Variants in CSNK1G1 observed in about 807,000 individuals in gnomAD.
The protein encoded by CSNK1G1 is casein kinase I isoform gamma-1.
A neutral mutation model predicts 59.6 loss-of-function variants in CSNK1G1; 22 were observed. The observed-to-expected ratio is 0.37, with a 90% CI of 0.26 to 0.53. CSNK1G1 has a LOEUF of 0.53. Ranked by LOEUF, CSNK1G1 falls within the 20% of genes least tolerant of loss-of-function variation. The pLI is 0.89. For synonymous variants in CSNK1G1, 179 were observed against 177.1 expected (o/e 1.01, Z -0.08); for missense variants, 384 against 519.5 (o/e 0.74, Z 2.54).
At chr15:64,259,837 T>A (rs186724535) in intron 2 of CSNK1G1, among the ~76,000 whole-genome samples, 21 of 152,294 alleles carry the variant, frequency 1.4e-4, no homozygotes, top group Admixed American at 9.2e-4. Context: ...CTTTAACTAT[T>A]TACAGGAAAC....
At chr15:64,263,822 CAAAAAAA>C (rs869123397) in intron 2 of CSNK1G1, among the ~76,000 whole-genome samples, 13 of 53,808 alleles carry the variant, frequency 2.4e-4, no homozygotes, top group Admixed American at 2.2e-3. Flanking sequence ...TTTTGTTTAC[CAAAAAAA>C]AAAAAAAAAA....
At chr15:64,266,325 C>T (rs941711851) in intron 2 of CSNK1G1, among the ~76,000 whole-genome samples, 1 of 152,114 alleles carries the variant, frequency 6.6e-6, no homozygotes, top group Middle Eastern at 3.2e-3. Flanking sequence ...ATCCACCCGC[C>T]TTGGCCTCCC....
Position 64,235,252 on chromosome 15 carries a change from C to T in CSNK1G1, c.292+16260G>A, listed in dbSNP as rs78411069. Among the ~76,000 whole-genome samples, 567 of 152,248 alleles carry T rather than the reference C, an allele frequency of 3.7e-3. 9 individuals are homozygous for T. In the East Asian group the frequency reaches 0.038, roughly 10 times the overall value. The stretch of plus-strand genomic sequence containing the variant: ...AGTAAATCTTCCTTTTGAGTTTAAG[C>T]TAATTTAAATAGATGCTGTTATTTG... On this transcript the variant is annotated intron_variant, in intron 4 of 11. Coordinates refer to ENST00000303052, the MANE Select transcript of CSNK1G1 (RefSeq NM_022048.5).
At chr15:64,338,725 A>AC (rs1368689616) in intron 1 of CSNK1G1, among the ~76,000 whole-genome samples, 1 of 144,992 alleles carries the variant, frequency 6.9e-6, no homozygotes, top group African/African-American at 2.5e-5. Context: ...AAAAAAAAAA[A>AC]AAACACTTCT....
chr15:64,292,895 T>G (rs1894820690), intron 2 of CSNK1G1, among the ~76,000 whole-genome samples: 1 of 152,098 alleles, frequency 6.6e-6, no homozygotes, highest in Non-Finnish European at 1.5e-5. Context: ...GCCACTGCAC[T>G]CCAGCCTGGT....
At position 64,178,544 on chromosome 15, in the gene CSNK1G1, C is replaced by T. The variant is rs567135449; in HGVS notation, c.1214+1804G>A. 6.7e-5 allele frequency among the ~76,000 whole-genome samples: 10 copies of T among 149,000 alleles called. No homozygotes were observed. In the East Asian group the frequency reaches 2.0e-3, roughly 29 times the overall value. ...GTCGCCAGGATGGAGTGCGGTGGCA[C>T]AATCTCGACTCACCACAACCCCTGC... On this transcript the variant is annotated intron_variant, in intron 11 of 11. Coordinates refer to ENST00000303052, the MANE Select transcript of CSNK1G1 (RefSeq NM_022048.5).
intron 1 of CSNK1G1, among the ~76,000 whole-genome samples, chr15:64,322,956 G>A (rs950256002): frequency 2.7e-5 from 4 of 147,602 alleles, no homozygotes; most frequent in East Asian, 3.9e-4. Flanking sequence ...TTTTTTCCTC[G>A]CTCTGTTGCC....
chr15:64,279,155 G>A (rs535967945), intron 2 of CSNK1G1, among the ~76,000 whole-genome samples: 22 of 152,232 alleles, frequency 1.4e-4, no homozygotes, highest in Non-Finnish European at 2.6e-4. Flanking sequence ...ATGCAGTAAA[G>A]CACACAAACG....
chr15:64,244,265 A>G (rs989026998), intron 4 of CSNK1G1, among the ~76,000 whole-genome samples: 5 of 151,964 alleles, frequency 3.3e-5, no homozygotes, highest in African/African-American at 1.2e-4. Context: ...AATTCCATTT[A>G]CAATAGCTAC....
chr15:64,311,847 T>C (rs563016714), intron 1 of CSNK1G1, among the ~76,000 whole-genome samples: 1 of 152,168 alleles, frequency 6.6e-6, no homozygotes, highest in South Asian at 2.1e-4. Context: ...ACCACTGCAC[T>C]CCAGCCTGGG....
chr15:64,231,675 G>A (rs962171275), intron 4 of CSNK1G1, among the ~76,000 whole-genome samples: 2 of 151,812 alleles, frequency 1.3e-5, no homozygotes, highest in Non-Finnish European at 2.9e-5. Context: ...AATCATAGTC[G>A]TTTTTTAAAG....
intron 1 of CSNK1G1, among the ~76,000 whole-genome samples, chr15:64,317,952 A>C (rs1002594076): frequency 3.3e-5 from 5 of 152,204 alleles, no homozygotes; most frequent in African/African-American, 1.2e-4. Context: ...CAAAGATGGA[A>C]AGGAAGCTAG....
rs187995134 is a variant in CSNK1G1 at position 64,180,146 on chromosome 15, T to C, written c.1214+202A>G. ...GTCTTTTTCATGTGAACTAGAAAAA[T>C]GTGACTGTCTTCCCCGAAATCACAG... On this transcript the variant is annotated intron_variant, in intron 11 of 11. Transcript: ENST00000303052. 3.5e-3 allele frequency: 1,923 copies of C among 553,274 alleles called. 10 individuals carry two copies. Among genetic ancestry groups the C allele is most frequent in the Admixed American group, 5.3e-3 (173 of 32,712 alleles). The allele number at this position is 553,274 out of a possible 1,614,324, so 34.3% of individuals were successfully genotyped here.
intron 5 of CSNK1G1, among the ~76,000 whole-genome samples, chr15:64,215,542 A>G (rs754059052): frequency 4.6e-5 from 7 of 152,178 alleles, no homozygotes; most frequent in Non-Finnish European, 7.4e-5. Context: ...AGAGAAAGAG[A>G]AGCTCAGATA....
chr15:64,286,584 C>G (rs1894436449), intron 2 of CSNK1G1, among the ~76,000 whole-genome samples: 1 of 151,956 alleles, frequency 6.6e-6, no homozygotes, highest in African/African-American at 2.4e-5. Flanking sequence ...TATGAATCCC[C>G]AAATAATGAT....
chr15:64,215,454 C>T (rs1033231818), intron 5 of CSNK1G1, among the ~76,000 whole-genome samples: 15 of 152,194 alleles, frequency 9.9e-5, no homozygotes, highest in Admixed American at 3.3e-4. Flanking sequence ...CCTCATGATC[C>T]GCCCACCTTG....
intron 11 of CSNK1G1, among the ~76,000 whole-genome samples, chr15:64,174,089 A>G (rs1335634149): frequency 6.6e-6 from 1 of 152,160 alleles, no homozygotes; most frequent in African/African-American, 2.4e-5. Context: ...TCTATTCTTA[A>G]TCTTTTTGGA....
chr15:64,341,778 AGTG>A (rs1235114400), intron 1 of CSNK1G1, among the ~76,000 whole-genome samples: 1 of 152,168 alleles, frequency 6.6e-6, no homozygotes, highest in Non-Finnish European at 1.5e-5. Flanking sequence ...GAGAGGGAAA[AGTG>A]GTATTACAGT....
chr15:64,331,327 A>T (rs927786635), intron 1 of CSNK1G1, among the ~76,000 whole-genome samples: 56 of 139,986 alleles, frequency 4.0e-4, no homozygotes, highest in African/African-American at 1.5e-3. Flanking sequence ...ACCAAAACAG[A>T]GATATAGATC....
Sources: gnomAD v4.1 joint callset for allele counts (sites outside exome capture counted in the v4.1 genomes callset) on GRCh38, gnomAD v4.1.1 for gene constraint, MANE v1.5 for transcripts, NCBI Gene and HGNC (gene_info 2026-07-23, HGNC 2026-07-21) for gene names.